The following RTL4 variants were observed in gnomAD, a reference collection of about 807,000 sequenced individuals.
The protein encoded by RTL4 is retrotransposon Gag like 4.
In RTL4, 4 loss-of-function variants were observed where a neutral mutation model predicts 5.3. The observed-to-expected ratio is 0.75, with a 90% CI of 0.37 to 1.72. RTL4 has a LOEUF of 1.72. Among genes scored for constraint, RTL4 ranks in the 40% most tolerant of loss-of-function variants. RTL4 has a pLI of 0.04. For missense variants in RTL4, 260 were observed against 227.1 expected, an observed-to-expected ratio of 1.14 and a Z score of -0.93; for synonymous variants, 98 against 87.3, an observed-to-expected ratio of 1.12 and a Z score of -0.68.
the RTL4 span, among the ~76,000 whole-genome samples, chrX:112,118,994 C>T: frequency 1.9e-5 from 2 of 107,238 alleles, no homozygotes; most frequent in African/African-American, 3.5e-5. Flanking sequence ...CAGGCATGTG[C>T]CACCACACCC....
the RTL4 span, among the ~76,000 whole-genome samples, chrX:112,121,786 G>A: frequency 1.9e-4 from 21 of 111,271 alleles, no homozygotes; most frequent in Non-Finnish European, 2.5e-4. Context: ...AGAACTGCTA[G>A]GAAAAGAAAC....
At chrX:112,381,368 C>T in the RTL4 span, 2 of 1,208,187 alleles carry the variant, frequency 1.7e-6, no homozygotes, top group South Asian at 1.8e-5. Context: ...AGAGACAAGC[C>T]TTAAAGAAAA....
the RTL4 span, among the ~76,000 whole-genome samples, chrX:112,255,557 C>G: frequency 6.3e-5 from 7 of 111,614 alleles, no homozygotes; most frequent in Non-Finnish European, 1.3e-4. Context: ...TGCAATGAGT[C>G]TGGCATGTAG....
the RTL4 span, among the ~76,000 whole-genome samples, chrX:112,347,619 T>G: frequency 1.8e-5 from 2 of 111,626 alleles, no homozygotes; most frequent in Non-Finnish European, 3.8e-5. Context: ...CTCTGAGATC[T>G]TCTATTCCTT....
chrX:112,368,452 A>C, the RTL4 span, among the ~76,000 whole-genome samples: 1 of 111,233 alleles, frequency 9.0e-6, no homozygotes, highest in African/African-American at 3.3e-5. Context: ...ATTTTCCTAA[A>C]TTGTAAAATA....
chrX:112,178,292 G>T, the RTL4 span, among the ~76,000 whole-genome samples: 2 of 111,643 alleles, frequency 1.8e-5, no homozygotes, highest in Non-Finnish European at 3.8e-5. Flanking sequence ...ATGATTCTGG[G>T]CCTAGGCTTG....
chrX:112,280,411 G>T, the RTL4 span, among the ~76,000 whole-genome samples: 2 of 111,431 alleles, frequency 1.8e-5, no homozygotes, highest in African/African-American at 6.5e-5. Flanking sequence ...AAACCTCAGC[G>T]GTATGCAATA....
At chrX:112,423,885 A>G in the RTL4 span, among the ~76,000 whole-genome samples, 2 of 111,868 alleles carry the variant, frequency 1.8e-5, no homozygotes, top group Non-Finnish European at 3.8e-5. Context: ...GGCTGTACTT[A>G]CTTAACATCC....
chrX:112,395,490 A>G, the RTL4 span, among the ~76,000 whole-genome samples: 1 of 111,623 alleles, frequency 9.0e-6, no homozygotes, highest in Non-Finnish European at 1.9e-5. Context: ...AAAAATAGAA[A>G]TTATTTAATA....
the RTL4 span, among the ~76,000 whole-genome samples, chrX:112,187,225 C>T: frequency 8.9e-6 from 1 of 112,311 alleles, no homozygotes; most frequent in African/African-American, 3.2e-5. Flanking sequence ...ATTTAAATAG[C>T]TCTTTCATTA....
the RTL4 span, among the ~76,000 whole-genome samples, chrX:112,228,335 C>G: frequency 8.9e-6 from 1 of 111,940 alleles, no homozygotes; most frequent in Non-Finnish European, 1.9e-5. Context: ...CCCACAAGTT[C>G]AAAGGAACCA....
At chrX:112,200,385 C>T in the RTL4 span, among the ~76,000 whole-genome samples, 3 of 111,970 alleles carry the variant, frequency 2.7e-5, no homozygotes, top group Admixed American at 9.5e-5. Context: ...ATTTATTTAT[C>T]AGATACATGA....
At chrX:112,146,263 G>A in the RTL4 span, among the ~76,000 whole-genome samples, 1 of 111,225 alleles carries the variant, frequency 9.0e-6, no homozygotes, top group Non-Finnish European at 1.9e-5. Flanking sequence ...AGAGAGAAAG[G>A]TGCCTGTTTT....
At chrX:112,112,284 A>C in the RTL4 span, among the ~76,000 whole-genome samples, 12 of 111,847 alleles carry the variant, frequency 1.1e-4, no homozygotes, top group African/African-American at 3.3e-4. Context: ...TGGAGCTTGT[A>C]CTAGTGCTTG....
chrX:112,115,798 G>C, the RTL4 span, among the ~76,000 whole-genome samples: 1 of 112,153 alleles, frequency 8.9e-6, no homozygotes, highest in Non-Finnish European at 1.9e-5. Context: ...TTTTAGAAGC[G>C]GGACTAGCCT....
chrX:112,319,076 G>T, the RTL4 span, among the ~76,000 whole-genome samples: 4 of 111,842 alleles, frequency 3.6e-5, no homozygotes, highest in Admixed American at 3.8e-4. Context: ...CAGGACCTTT[G>T]TGTGAAGCTT....
the RTL4 span, among the ~76,000 whole-genome samples, chrX:112,319,394 A>G: frequency 1.8e-5 from 2 of 112,077 alleles, no homozygotes; most frequent in African/African-American, 3.2e-5. Flanking sequence ...ATACTGAAGT[A>G]TCTGTACACT....
the RTL4 span, among the ~76,000 whole-genome samples, chrX:112,342,016 C>T: frequency 1.8e-5 from 2 of 110,848 alleles, no homozygotes; most frequent in Non-Finnish European, 3.8e-5. Context: ...AAGAGGACTC[C>T]GGGGGCCTAA....
the RTL4 span, among the ~76,000 whole-genome samples, chrX:112,171,363 G>A: frequency 2.7e-5 from 3 of 111,955 alleles, no homozygotes; most frequent in Non-Finnish European, 5.6e-5. Flanking sequence ...AATGAATACA[G>A]CTATAAGTCC....
Sources: allele counts gnomAD v4.1 joint callset (sites outside exome capture counted in the v4.1 genomes callset), GRCh38; gene constraint gnomAD v4.1.1; transcripts MANE v1.5; gene names NCBI Gene and HGNC (gene_info 2026-07-23, HGNC 2026-07-21).